CERS6: variants seen among roughly 807,000 people sequenced by gnomAD.
The protein encoded by CERS6 is LAG1 homolog, ceramide synthase 6.
A neutral mutation model predicts 56.8 loss-of-function variants in CERS6; 26 were observed. The observed-to-expected ratio is 0.46, with a 90% CI of 0.34 to 0.63. The LOEUF is 0.63. Among genes scored for constraint, CERS6 ranks in the 30% least tolerant of loss-of-function variants. CERS6 has a pLI of 0.01. For synonymous variants in CERS6, 164 were observed against 173.3 expected (o/e 0.95, Z 0.42); for missense variants, 415 against 467.5 (o/e 0.89, Z 1.04).
chr2:168,626,619 A>G (rs1056396347), intron 3 of CERS6, among the ~76,000 whole-genome samples: 1 of 152,166 alleles, frequency 6.6e-6, no homozygotes, highest in Non-Finnish European at 1.5e-5. Context: ...ATGTAGTGGA[A>G]CACATTGACG....
chr2:168,727,410 G>T (rs1683382062), intron 8 of CERS6, among the ~76,000 whole-genome samples: 1 of 152,080 alleles, frequency 6.6e-6, no homozygotes, highest in Admixed American at 6.6e-5. Flanking sequence ...TTAGCCGGGT[G>T]TGGTGGCATG....
chr2:168,642,012 T>G (rs1354853763), intron 4 of CERS6, among the ~76,000 whole-genome samples: 2 of 152,188 alleles, frequency 1.3e-5, no homozygotes, highest in African/African-American at 4.8e-5. Context: ...ATTCTCATTA[T>G]CTCTTGTTAC....
intron 6 of CERS6, 29 bp from the exon 7 acceptor site, chr2:168,714,972 C>T (rs1687191601): frequency 6.3e-7 from 1 of 1,590,448 alleles, no homozygotes; most frequent in African/African-American, 1.4e-5. Flanking sequence ...TTGCTAAACT[C>T]TAATATGGAT....
Position 168,772,893 on chromosome 2 carries a change from C to T in CERS6, c.*3231C>T, listed in dbSNP as rs146794977. ...GGCAAGAAGTGAGATAAAATCAGATCACCTTTGATCAAAATGGTTGGTGAA... is the reference window on the plus strand; with the variant it reads ...GGCAAGAAGTGAGATAAAATCAGATTACCTTTGATCAAAATGGTTGGTGAA... On this transcript the variant is annotated 3_prime_UTR_variant, in exon 10 of 10. Transcript: ENST00000305747. The T allele has an allele frequency of 2.1e-3, 327 of 152,734 alleles. 3 individuals are homozygous for T. The highest frequency in any genetic ancestry group is 7.6e-3 in the African/African-American group (315 of 41,566). The allele number at this position is 152,734 out of a possible 1,614,324, so 9.5% of individuals were successfully genotyped here.
chr2:168,615,418 CAAG>C (rs1326907285), intron 3 of CERS6, among the ~76,000 whole-genome samples: 1 of 151,472 alleles, frequency 6.6e-6, no homozygotes, highest in Non-Finnish European at 1.5e-5. Flanking sequence ...TTAAGCTAAT[CAAG>C]GAGGCACCAG....
intron 1 of CERS6, among the ~76,000 whole-genome samples, chr2:168,546,660 G>A (rs188245919): frequency 9.2e-5 from 14 of 152,184 alleles, no homozygotes; most frequent in Admixed American, 2.0e-4. Context: ...TGTTGCCTTT[G>A]ACCAACAGTG....
intron 1 of CERS6, among the ~76,000 whole-genome samples, chr2:168,460,061 A>T (rs2105315681): frequency 6.6e-6 from 1 of 152,264 alleles, no homozygotes; most frequent in African/African-American, 2.4e-5. Context: ...TTTCTCATTT[A>T]TGTGTTGAGG....
intron 8 of CERS6, among the ~76,000 whole-genome samples, chr2:168,728,580 T>A (rs578219892): frequency 8.9e-5 from 13 of 146,052 alleles, no homozygotes; most frequent in African/African-American, 3.3e-4. Context: ...AGAGATGGGG[T>A]TTCACCAGGC....
intron 8 of CERS6, among the ~76,000 whole-genome samples, chr2:168,763,424 T>C (rs7589615): frequency 0.094 from 14,308 of 151,604 alleles, 761 homozygotes; most frequent in African/African-American, 0.14. Context: ...TTTTATTTTT[T>C]ATTTTTTTTG....
At chr2:168,682,432 C>G (rs534244559) in intron 4 of CERS6, among the ~76,000 whole-genome samples, 1 of 152,046 alleles carries the variant, frequency 6.6e-6, no homozygotes, top group African/African-American at 2.4e-5. Context: ...CTACTTTAAA[C>G]GTAAAGTACA....
intron 3 of CERS6, among the ~76,000 whole-genome samples, chr2:168,578,057 G>C (rs1027759690): frequency 4.6e-5 from 7 of 152,186 alleles, no homozygotes; most frequent in Non-Finnish European, 1.0e-4. Flanking sequence ...TATAGGAATG[G>C]GAAACTAGGT....
intron 3 of CERS6, among the ~76,000 whole-genome samples, chr2:168,564,783 C>A (rs717039): frequency 0.047 from 7,168 of 152,274 alleles, 565 homozygotes; most frequent in African/African-American, 0.16. Flanking sequence ...ACAGCTACCC[C>A]TGCATCCTGA....
chr2:168,515,672 T>G (rs1366916608), intron 1 of CERS6, among the ~76,000 whole-genome samples: 1 of 152,234 alleles, frequency 6.6e-6, no homozygotes, highest in African/African-American at 2.4e-5. Flanking sequence ...TTTTGAGCAT[T>G]ACTAGCAACA....
At chr2:168,710,358 C>G (rs1687059807) in intron 6 of CERS6, among the ~76,000 whole-genome samples, 1 of 152,172 alleles carries the variant, frequency 6.6e-6, no homozygotes, top group Non-Finnish European at 1.5e-5. Flanking sequence ...AGCAATCATT[C>G]AGAGCTGAAC....
intron 1 of CERS6, among the ~76,000 whole-genome samples, chr2:168,538,449 C>G (rs1248463640): frequency 1.3e-5 from 2 of 152,152 alleles, no homozygotes; most frequent in Admixed American, 1.3e-4. Context: ...GTCCTTCCCC[C>G]ACTTATCTTT....
At chr2:168,577,082 G>A (rs74868570) in intron 3 of CERS6, among the ~76,000 whole-genome samples, 4 of 152,308 alleles carry the variant, frequency 2.6e-5, no homozygotes, top group Non-Finnish European at 5.9e-5. Flanking sequence ...GAGGAGGTGT[G>A]GACTTGGCAG....
chr2:168,484,167 G>GTTTTTTTTTTTTT (rs34492119), intron 1 of CERS6, among the ~76,000 whole-genome samples: 3 of 51,612 alleles, frequency 5.8e-5, no homozygotes, highest in Admixed American at 2.4e-4. Context: ...TCTTTTTTCT[G>GTTTTTTTTTTTTT]TTTTTTTTTT....
intron 8 of CERS6, among the ~76,000 whole-genome samples, chr2:168,762,463 G>A (rs114716320): frequency 0.017 from 2,638 of 152,006 alleles, 70 homozygotes; most frequent in African/African-American, 0.059. Context: ...GATTTGAAAG[G>A]GTTACAAAAA....
intron 8 of CERS6, among the ~76,000 whole-genome samples, chr2:168,731,208 C>T (rs1683522385): frequency 6.6e-6 from 1 of 152,054 alleles, no homozygotes; most frequent in African/African-American, 2.4e-5. Context: ...GGGATTGTTT[C>T]CCAAAATAAC....
Sources: gnomAD v4.1 joint callset for allele counts (sites outside exome capture counted in the v4.1 genomes callset) on GRCh38, gnomAD v4.1.1 for gene constraint, MANE v1.5 for transcripts, NCBI Gene and HGNC (gene_info 2026-07-23, HGNC 2026-07-21) for gene names.